The following TAFA2 variants were observed in gnomAD, a reference collection of about 807,000 sequenced individuals.
TAFA2 encodes the protein TAFA chemokine like family member 2.
Under a neutral mutation model 18.8 loss-of-function variants are expected in TAFA2, and 7 were observed. The ratio of observed to expected loss-of-function variants is 0.37; its 90% CI spans 0.21 to 0.70. The LOEUF is 0.70. Among genes scored for constraint, TAFA2 ranks in the 30% least tolerant of loss-of-function variants. The probability of loss-of-function intolerance (pLI) is 0.53; values close to 1 mark genes in which losing one functional copy is unlikely to be tolerated. For synonymous variants in TAFA2, 60 were observed against 54.2 expected (o/e 1.11, Z -0.47); for missense variants, 122 against 158.1 (o/e 0.77, Z 1.23).
chr12:62,196,820 G>C (rs2136965373), upstream of TAFA2, among the ~76,000 whole-genome samples: 1 of 151,950 alleles, frequency 6.6e-6, no homozygotes, highest in Middle Eastern at 3.4e-3. Flanking sequence ...GGCACTGAGG[G>C]ACTTATTCAA....
intron 1 of TAFA2, among the ~76,000 whole-genome samples, chr12:61,916,888 TA>T (rs903826838): frequency 6.6e-6 from 1 of 152,248 alleles, no homozygotes; most frequent in African/African-American, 2.4e-5. Flanking sequence ...TATGCTTCCT[TA>T]TCCAAATTAT....
intron 1 of TAFA2, chr12:61,879,412 C>A: frequency 1.4e-6 from 1 of 703,884 alleles, no homozygotes; most frequent in East Asian, 2.9e-5. Context: ...TCCCGGTGCC[C>A]CCATCAGCTC....
intron 1 of TAFA2, among the ~76,000 whole-genome samples, chr12:62,004,629 G>T (rs1426071437): frequency 6.6e-6 from 1 of 152,034 alleles, no homozygotes; most frequent in South Asian, 2.1e-4. Flanking sequence ...TAAGATAAGC[G>T]GGATGGGCAA....
At chr12:62,147,318 GTATGTA>G (rs1278937512) in intron 1 of TAFA2, among the ~76,000 whole-genome samples, 3,961 of 86,654 alleles carry the variant, frequency 0.046, 182 homozygotes, top group South Asian at 0.061. Flanking sequence ...GTGTGTGTGT[GTATGTA>G]TGTATATATA....
intron 1 of TAFA2, among the ~76,000 whole-genome samples, chr12:62,146,791 G>C (rs1287946836): frequency 6.6e-6 from 1 of 152,096 alleles, no homozygotes; most frequent in Admixed American, 6.6e-5. Context: ...GAATACACCT[G>C]ATAAAAATTA....
chr12:62,020,905 C>T (rs564398832), intron 1 of TAFA2, among the ~76,000 whole-genome samples: 9 of 152,110 alleles, frequency 5.9e-5, no homozygotes, highest in African/African-American at 9.7e-5. Flanking sequence ...TAATATTTCA[C>T]GACACGTTTA....
intron 1 of TAFA2, among the ~76,000 whole-genome samples, chr12:61,938,937 A>T (rs1877884420): frequency 6.6e-6 from 1 of 151,148 alleles, no homozygotes; most frequent in Admixed American, 6.6e-5. Flanking sequence ...TGAGGGATTA[A>T]AAAAAAAACT....
chr12:61,827,951 T>C (rs1346690841), intron 2 of TAFA2, among the ~76,000 whole-genome samples: 1 of 151,994 alleles, frequency 6.6e-6, no homozygotes, highest in African/African-American at 2.4e-5. Context: ...ATCCATTTCA[T>C]CTACTTCTCA....
In TAFA2 at chr12:61,941,882, G is replaced by A. The variant is rs1479721686; in HGVS notation, c.-1-74456C>T. Among the ~76,000 whole-genome samples, 366 of 152,206 alleles carry A rather than the reference G, an allele frequency of 2.4e-3. 13 individuals carry two copies. The East Asian group carries it at 0.058, about 24-fold the overall frequency. Reference sequence around the variant, plus strand: ...GCGGCAGCGAGGCTGGGGGAGGGGCGCCCGCCATTGCCCAGGCTTGATTAG... The same window carrying A: ...GCGGCAGCGAGGCTGGGGGAGGGGCACCCGCCATTGCCCAGGCTTGATTAG... On this transcript the variant is annotated intron_variant, in intron 1 of 4. Transcript: ENST00000416284.
chr12:61,911,618 A>G (rs1275256073), intron 1 of TAFA2, among the ~76,000 whole-genome samples: 1 of 152,182 alleles, frequency 6.6e-6, no homozygotes, highest in East Asian at 1.9e-4. Context: ...TTTAATAAGC[A>G]GAGTTTTCTG....
rs71083956 is a variant in TAFA2 at position 61,760,365 on chromosome 12, A to AATAT, written c.107-5345_107-5342dup. On this transcript the variant is annotated intron_variant, in intron 2 of 4. Coordinates refer to ENST00000416284, the MANE Select transcript of TAFA2 (RefSeq NM_178539.5). The stretch of plus-strand genomic sequence containing the variant: ...TTGGCATTGGTAGGAAAAATATCAA[A>AATAT]ATATATATATATATATATGCGCCAG... Among the ~76,000 whole-genome samples, 537 of 122,210 alleles carry AATAT rather than the reference A, an allele frequency of 4.4e-3. 26 individuals are homozygous for AATAT. Among genetic ancestry groups the AATAT allele is most frequent in the African/African-American group, 0.015 (497 of 33,394 alleles). The allele number at this position is 122,210 out of a possible 152,430, so 80.2% of individuals were successfully genotyped here.
chr12:62,007,236 C>T (rs568983828), intron 1 of TAFA2, among the ~76,000 whole-genome samples: 2 of 152,214 alleles, frequency 1.3e-5, no homozygotes, highest in Non-Finnish European at 2.9e-5. Flanking sequence ...CATAGACACA[C>T]AGCCTCGTCT....
chr12:62,043,289 A>G (rs1322588499), intron 1 of TAFA2, among the ~76,000 whole-genome samples: 1 of 152,230 alleles, frequency 6.6e-6, no homozygotes, highest in Non-Finnish European at 1.5e-5. Context: ...AGCCATAAAA[A>G]ATGATGAGTT....
At chr12:62,059,978 C>G (rs571568844) in intron 1 of TAFA2, among the ~76,000 whole-genome samples, 1 of 152,230 alleles carries the variant, frequency 6.6e-6, no homozygotes, top group South Asian at 2.1e-4. Context: ...TATTAGCTAT[C>G]AGTTATCATT....
intron 1 of TAFA2, among the ~76,000 whole-genome samples, chr12:62,075,197 A>T (rs1882730710): frequency 6.6e-6 from 1 of 152,214 alleles, no homozygotes; most frequent in Non-Finnish European, 1.5e-5. Context: ...CACTATTTAT[A>T]TATTATTTAA....
chr12:61,888,380 T>C (rs1040929487), intron 1 of TAFA2, among the ~76,000 whole-genome samples: 13 of 152,166 alleles, frequency 8.5e-5, no homozygotes, highest in African/African-American at 3.1e-4. Context: ...GGGAAACTCA[T>C]TAGCTCTAGT....
intron 1 of TAFA2, among the ~76,000 whole-genome samples, chr12:62,233,580 C>T (rs565610000): frequency 2.0e-4 from 31 of 152,210 alleles, no homozygotes; most frequent in Non-Finnish European, 4.3e-4. Context: ...GGTCTGCTGA[C>T]CCTACCCACG....
intron 1 of TAFA2, among the ~76,000 whole-genome samples, chr12:61,896,852 G>A (rs1875867355): frequency 6.6e-6 from 1 of 152,036 alleles, no homozygotes; most frequent in African/African-American, 2.4e-5. Flanking sequence ...CATTATTTAT[G>A]ATGTTTCCTT....
At chr12:61,975,324 A>G (rs1177487155) in intron 1 of TAFA2, among the ~76,000 whole-genome samples, 1 of 151,078 alleles carries the variant, frequency 6.6e-6, no homozygotes, top group Non-Finnish European at 1.5e-5. Flanking sequence ...CTTCCACCCA[A>G]CCTCTGGTAA....
Sources: gnomAD v4.1 joint callset for allele counts (sites outside exome capture counted in the v4.1 genomes callset) on GRCh38, gnomAD v4.1.1 for gene constraint, MANE v1.5 for transcripts, NCBI Gene and HGNC (gene_info 2026-07-23, HGNC 2026-07-21) for gene names.